Variants in NCAM1 observed in about 807,000 individuals in gnomAD.
The protein encoded by NCAM1 is neural cell adhesion molecule 1.
Under a neutral mutation model 109.8 loss-of-function variants are expected in NCAM1, and 14 were observed. That is an observed-to-expected ratio of 0.13 (90% CI 0.08 to 0.20). The LOEUF is 0.20. Among genes scored for constraint, NCAM1 ranks in the 10% least tolerant of loss-of-function variants. The probability of loss-of-function intolerance (pLI) is 1.00; values close to 1 mark genes in which losing one functional copy is unlikely to be tolerated. For synonymous variants in NCAM1, 418 were observed against 442.9 expected (o/e 0.94, Z 0.70); for missense variants, 774 against 1,109.9 (o/e 0.70, Z 4.30).
intron 1 of NCAM1, among the ~76,000 whole-genome samples, chr11:113,198,678 G>A (rs548713684): frequency 2.6e-5 from 4 of 152,286 alleles, no homozygotes; most frequent in East Asian, 1.9e-4. Context: ...GCTCTTTCTA[G>A]CCTATGATTT....
intron 9 of NCAM1, among the ~76,000 whole-genome samples, chr11:113,227,841 T>A (rs1362195107): frequency 6.6e-6 from 1 of 152,228 alleles, no homozygotes; most frequent in Non-Finnish European, 1.5e-5. Flanking sequence ...ACCACATGAT[T>A]ATCTCAACAG....
At chr11:113,194,470 A>G (rs1943791623) in intron 1 of NCAM1, among the ~76,000 whole-genome samples, 1 of 152,172 alleles carries the variant, frequency 6.6e-6, no homozygotes, top group South Asian at 2.1e-4. Flanking sequence ...CAGTCCAGGT[A>G]GCTTTATGAA....
intron 1 of NCAM1, 41 bp downstream of exon 1, chr11:112,961,705 A>G (rs782762564): frequency 1.3e-5 from 17 of 1,262,352 alleles, no homozygotes; most frequent in Non-Finnish European, 1.9e-5. Flanking sequence ...TGGTTTGCTA[A>G]TTACCCCTTC....
At chr11:113,138,709 C>T (rs1421312328) in intron 1 of NCAM1, among the ~76,000 whole-genome samples, 6 of 152,118 alleles carry the variant, frequency 3.9e-5, no homozygotes, top group African/African-American at 9.7e-5. Context: ...GATTGTACAA[C>T]GGTGATAAAA....
intron 1 of NCAM1, among the ~76,000 whole-genome samples, chr11:113,058,242 C>A (rs1331758254): frequency 6.6e-6 from 1 of 152,000 alleles, no homozygotes; most frequent in Non-Finnish European, 1.5e-5. Flanking sequence ...CGAGATCTCA[C>A]CATTGCACTC....
At chr11:113,224,511 G>A (rs1481474486) in intron 9 of NCAM1, among the ~76,000 whole-genome samples, 7 of 152,232 alleles carry the variant, frequency 4.6e-5, no homozygotes, top group African/African-American at 1.4e-4. Flanking sequence ...CTGGCAGCAG[G>A]GCATAGCCAA....
At chr11:113,191,668 A>T (rs1943677242) in intron 1 of NCAM1, among the ~76,000 whole-genome samples, 1 of 152,090 alleles carries the variant, frequency 6.6e-6, no homozygotes, top group Admixed American at 6.5e-5. Context: ...GATTAAGTGA[A>T]GTGCTTGGTA....
At chr11:113,195,612 C>T (rs752555747) in intron 1 of NCAM1, among the ~76,000 whole-genome samples, 37 of 150,384 alleles carry the variant, frequency 2.5e-4, no homozygotes, top group Non-Finnish European at 2.4e-4. Context: ...ACGCCATTCT[C>T]CTGCCTCAGC....
chr11:113,243,647 G>A (rs370323024), intron 14 of NCAM1: 26 of 517,390 alleles, frequency 5.0e-5, no homozygotes, highest in African/African-American at 4.0e-4. Flanking sequence ...TGAATCTCCT[G>A]AAGAATCCAT....
Position 113,022,591 on chromosome 11 carries a change from T to C in NCAM1, c.52+60927T>C, listed in dbSNP as rs147840076. ...AGAGAGATGGCCAAGGAAGCAGAAG[T>C]AGAATGCTGGTGTTAGTTAGGATTG... is the stretch of plus-strand genomic sequence containing the variant. On this transcript the variant is annotated intron_variant, in intron 1 of 19. Transcript: ENST00000316851. Among the ~76,000 whole-genome samples, 354 of 152,278 alleles carry C rather than the reference T, an allele frequency of 2.3e-3. 4 individuals carry two copies. Among genetic ancestry groups the C allele is most frequent in the African/African-American group, 8.1e-3 (335 of 41,554 alleles).
chr11:113,275,444 G>T lies in NCAM1; in HGVS notation c.*57G>T. The T allele has an allele frequency of 6.3e-7, 1 of 1,575,718 alleles. No individual in the cohort carries two copies. The highest frequency in any genetic ancestry group is 8.6e-7 in the Non-Finnish European group (1 of 1,160,068). Reference sequence around the variant, plus strand: ...AAAAAGTGACACAGCAGCTTCACCAGAGCATTTCCAACACCACAGACACAC... The same window carrying T: ...AAAAAGTGACACAGCAGCTTCACCATAGCATTTCCAACACCACAGACACAC... On this transcript the variant is annotated 3_prime_UTR_variant, in exon 20 of 20. Transcript: ENST00000316851.
chr11:112,961,874 C>A (rs1489368331), intron 1 of NCAM1, among the ~76,000 whole-genome samples: 5 of 152,100 alleles, frequency 3.3e-5, no homozygotes, highest in African/African-American at 1.2e-4. Flanking sequence ...CCTCCCCGAG[C>A]CGCCAGCGCC....
chr11:113,065,917 G>A (rs552407687), intron 1 of NCAM1, among the ~76,000 whole-genome samples: 1 of 152,282 alleles, frequency 6.6e-6, no homozygotes, highest in East Asian at 1.9e-4. Flanking sequence ...TTGATGAAGT[G>A]TATGTGAACA....
chr11:113,011,964 T>TTCC (rs375402439), intron 1 of NCAM1, among the ~76,000 whole-genome samples: 1 of 114,000 alleles, frequency 8.8e-6, no homozygotes, highest in Admixed American at 9.4e-5. Context: ...CCTTCTCTCC[T>TTCC]TTCCTTCCTT....
At chr11:113,027,585 G>A (rs1196262864) in intron 1 of NCAM1, among the ~76,000 whole-genome samples, 1 of 151,986 alleles carries the variant, frequency 6.6e-6, no homozygotes, top group Admixed American at 6.6e-5. Context: ...GTGTAGATAA[G>A]TCATTGGCAT....
chr11:113,153,332 C>T (rs184550355), intron 1 of NCAM1, among the ~76,000 whole-genome samples: 7 of 152,146 alleles, frequency 4.6e-5, no homozygotes, highest in Non-Finnish European at 7.4e-5. Context: ...TGAGCCACCA[C>T]GGTCAGCAGC....
chr11:113,189,958 G>A lies in NCAM1; in HGVS notation c.53-12421G>A, dbSNP rs1943627904. On this transcript the variant is annotated intron_variant, in intron 1 of 19. Transcript: ENST00000316851. ...GTATGACTTATTAGCAGTTCTTTTT[G>A]GATGTAGCATTATTCTGGGCAGGAA... is the stretch of plus-strand genomic sequence containing the variant. Among the ~76,000 whole-genome samples the A allele has an allele frequency of 3.3e-5, 5 of 151,792 alleles. 1 individual carries two copies. The South Asian group carries it at 1.0e-3, about 32-fold the overall frequency.
intron 1 of NCAM1, among the ~76,000 whole-genome samples, chr11:113,161,662 A>G (rs1555104421): frequency 6.6e-6 from 1 of 152,234 alleles, no homozygotes; most frequent in Non-Finnish European, 1.5e-5. Context: ...TCATGCTAGT[A>G]AAGAAAGTCA....
chr11:113,231,225 C>T (rs1555117131), intron 9 of NCAM1: 1 of 1,536,148 alleles, frequency 6.5e-7, no homozygotes. Context: ...GGCAAGTGGG[C>T]AGACAGAAAG....
Sources: gnomAD v4.1 joint callset for allele counts (sites outside exome capture counted in the v4.1 genomes callset) on GRCh38, gnomAD v4.1.1 for gene constraint, MANE v1.5 for transcripts, NCBI Gene and HGNC (gene_info 2026-07-23, HGNC 2026-07-21) for gene names.